The following RNF220 variants were observed in gnomAD, a reference collection of about 807,000 sequenced individuals.
RNF220 encodes ring finger protein 220.
A neutral mutation model predicts 67.1 loss-of-function variants in RNF220; 7 were observed. That is an observed-to-expected ratio of 0.10 (90% CI 0.06 to 0.20). The LOEUF is 0.20. Among genes scored for constraint, RNF220 ranks in the 10% least tolerant of loss-of-function variants. RNF220 has a pLI of 1.00. For synonymous variants in RNF220, 270 were observed against 283.2 expected, an observed-to-expected ratio of 0.95 and a Z score of 0.47; for missense variants, 565 against 740.3, an observed-to-expected ratio of 0.76 and a Z score of 2.75.
intron 1 of RNF220, among the ~76,000 whole-genome samples, chr1:44,406,985 C>T (rs1647402000): frequency 6.6e-6 from 1 of 152,186 alleles, no homozygotes; most frequent in South Asian, 2.1e-4. Flanking sequence ...GGAAAGCTCT[C>T]GCTTCCCGTT....
intron 2 of RNF220, among the ~76,000 whole-genome samples, chr1:44,562,847 T>C (rs1663686444): frequency 6.6e-6 from 1 of 152,202 alleles, no homozygotes; most frequent in Non-Finnish European, 1.5e-5. Flanking sequence ...AAGTGTCCTC[T>C]TCCATCCCCA....
In RNF220 at chr1:44,542,460, T is replaced by G. The variant is rs116311518; in HGVS notation, c.626-71705T>G. Among the ~76,000 whole-genome samples, 1,145 of 152,244 alleles carry G rather than the reference T, an allele frequency of 7.5e-3. 13 individuals are homozygous for G. Among genetic ancestry groups the G allele is most frequent in the African/African-American group, 0.026 (1,097 of 41,532 alleles). On this transcript the variant is annotated intron_variant, in intron 2 of 14. Coordinates refer to ENST00000361799, the MANE Select transcript of RNF220 (RefSeq NM_018150.4). Reference sequence around the variant, plus strand: ...GGGGAGGGAGGAGGATATAGGGAATTTAGCAGAAAGTAAGAAACTACCACA... The same window carrying G: ...GGGGAGGGAGGAGGATATAGGGAATGTAGCAGAAAGTAAGAAACTACCACA...
At chr1:44,553,201 T>C (rs1662805925) in intron 2 of RNF220, among the ~76,000 whole-genome samples, 1 of 89,102 alleles carries the variant, frequency 1.1e-5, no homozygotes, top group East Asian at 2.6e-4. Context: ...ATACCCACTC[T>C]TCTAATAAGG....
intron 1 of RNF220, among the ~76,000 whole-genome samples, chr1:44,411,324 T>C (rs1647938420): frequency 6.6e-6 from 1 of 152,186 alleles, no homozygotes; most frequent in African/African-American, 2.4e-5. Context: ...TGCCTCAAAA[T>C]AAATGTTAAT....
chr1:44,571,406 G>C (rs993039349), intron 2 of RNF220, among the ~76,000 whole-genome samples: 6 of 152,120 alleles, frequency 3.9e-5, no homozygotes, highest in Admixed American at 2.0e-4. Context: ...GCCACCTGCT[G>C]TCACTCTCAG....
intron 2 of RNF220, among the ~76,000 whole-genome samples, chr1:44,564,932 T>C (rs925378949): frequency 3.9e-5 from 6 of 152,176 alleles, no homozygotes; most frequent in African/African-American, 1.4e-4. Context: ...GGACGATACC[T>C]GAATCAACTC....
rs572863931 is a variant in RNF220 at position 44,505,764 on chromosome 1, C to T, written c.625+93042C>T. ...TTAAGCCAGCGTAACATTCTCCCCA[C>T]GGCAGGAGAATGCAGAGAGCAAATT... is the stretch of plus-strand genomic sequence containing the variant. On this transcript the variant is annotated intron_variant, in intron 2 of 14. Transcript: ENST00000361799. Among the ~76,000 whole-genome samples, 29 of 152,272 alleles carry T rather than the reference C, an allele frequency of 1.9e-4. No homozygotes were observed. The South Asian group carries it at 5.4e-3, about 28-fold the overall frequency.
chr1:44,513,573 C>T (rs761174312), intron 2 of RNF220, among the ~76,000 whole-genome samples: 5 of 152,024 alleles, frequency 3.3e-5, no homozygotes, highest in East Asian at 1.9e-4. Flanking sequence ...GCCTTCCAGA[C>T]GGGGGGAGAA....
At chr1:44,505,404 C>G (rs769045489) in intron 2 of RNF220, among the ~76,000 whole-genome samples, 1 of 152,204 alleles carries the variant, frequency 6.6e-6, no homozygotes, top group African/African-American at 2.4e-5. Context: ...CTTGGCTCTA[C>G]GTGGGCTCCT....
rs1407830143 is a variant in RNF220, at chr1:44,645,016, C to G, written c.1245C>G (p.Ile415Met). 3.7e-6 allele frequency: 6 copies of G among 1,614,100 alleles called. No homozygotes were observed. Among genetic ancestry groups the G allele is most frequent in the South Asian group, 1.1e-5 (1 of 91,078 alleles). The change falls in exon 10 of 15, where the codon ATC (isoleucine) becomes ATG (methionine). Residue 415 changes from isoleucine to methionine, a missense_variant. Physicochemically the swap from Ile to Met is conservative, Grantham distance 10. Coordinates refer to ENST00000361799, the MANE Select transcript of RNF220 (RefSeq NM_018150.4). This position sits in a 1 kb window ranked among gnomAD's most constrained non-coding sequence, Gnocchi z 5.0. ...GKPQYTEADV[I>M]PCTGEEPGEA... ...CCAGATACACAGAGGCTGATGTCAT[C>G]CCCTGCACAGGCGAGGAGCCTGGTG...
At chr1:44,536,946 C>T (rs577239396) in intron 2 of RNF220, among the ~76,000 whole-genome samples, 2 of 152,128 alleles carry the variant, frequency 1.3e-5, no homozygotes, top group African/African-American at 4.8e-5. Context: ...CCAGGCCCCT[C>T]GCTCCCTGCA....
At position 44,636,047 on chromosome 1, in the gene RNF220, G is replaced by A; in HGVS notation, c.1011G>A (p.Met337Ile). Residue 337 changes from methionine (M) to isoleucine (I), a missense_variant, in exon 8 of 15, where the codon ATG becomes ATA. By Grantham distance (10) the Met-to-Ile change is conservative (BLOSUM62 1). Transcript: ENST00000361799. Reference sequence around the variant, plus strand: ...CTTCACAGAGGGAAGGCTCCTGCATGGCTGAGGATGATGCTGTGGACATCG... The same window carrying A: ...CTTCACAGAGGGAAGGCTCCTGCATAGCTGAGGATGATGCTGTGGACATCG... ...QDEGQREGSC[M>I]AEDDAVDIEH... The A allele has an allele frequency of 6.2e-7, 1 of 1,614,254 alleles. No individual in the cohort carries two copies. The highest frequency in any genetic ancestry group is 8.5e-7 in the Non-Finnish European group (1 of 1,180,044).
intron 6 of RNF220, among the ~76,000 whole-genome samples, chr1:44,634,232 G>A (rs528691385): frequency 3.3e-5 from 5 of 152,196 alleles, no homozygotes; most frequent in Non-Finnish European, 7.3e-5. Flanking sequence ...AAACAGGAGG[G>A]CATTCTAGGT....
intron 2 of RNF220, among the ~76,000 whole-genome samples, chr1:44,524,792 T>C (rs1660235067): frequency 6.6e-6 from 1 of 152,216 alleles, no homozygotes; most frequent in Non-Finnish European, 1.5e-5. Flanking sequence ...ACAGATATCA[T>C]ATTATGGGCG....
intron 2 of RNF220, among the ~76,000 whole-genome samples, chr1:44,585,727 G>A (rs1665647253): frequency 6.6e-6 from 1 of 152,096 alleles, no homozygotes; most frequent in Admixed American, 6.5e-5. Flanking sequence ...TTCATACCTT[G>A]GCTCTGCTGT....
chr1:44,608,243 T>C (rs1032303320), intron 2 of RNF220, among the ~76,000 whole-genome samples: 5 of 152,160 alleles, frequency 3.3e-5, no homozygotes, highest in African/African-American at 1.2e-4. Context: ...TTTCTTTTCC[T>C]AAGACCACTC....
intron 2 of RNF220, among the ~76,000 whole-genome samples, chr1:44,548,443 C>G (rs1336937977): frequency 6.6e-6 from 1 of 152,152 alleles, no homozygotes; most frequent in Non-Finnish European, 1.5e-5. Flanking sequence ...TCCTTCCAGG[C>G]TCCCCACCTA....
chr1:44,535,798 G>A (rs978474715), intron 2 of RNF220, among the ~76,000 whole-genome samples: 1 of 152,154 alleles, frequency 6.6e-6, no homozygotes, highest in African/African-American at 2.4e-5. Context: ...GGGACTTCTG[G>A]TCAGCGAGCA....
chr1:44,506,207 C>T (rs1420254066), intron 2 of RNF220, among the ~76,000 whole-genome samples: 1 of 152,196 alleles, frequency 6.6e-6, no homozygotes, highest in Non-Finnish European at 1.5e-5. Flanking sequence ...CCCAGCATCA[C>T]AGTGGTCAGA....
Sources: allele counts gnomAD v4.1 joint callset (sites outside exome capture counted in the v4.1 genomes callset), GRCh38; gene constraint gnomAD v4.1.1; non-coding constraint Gnocchi (gnomAD v3.1); transcripts MANE v1.5; gene names NCBI Gene and HGNC (gene_info 2026-07-23, HGNC 2026-07-21).